The following SPINT2 variants were observed in gnomAD, a reference collection of about 807,000 sequenced individuals.
SPINT2 encodes the protein kunitz-type protease inhibitor 2.
SPINT2 carries 18 observed loss-of-function variants against 30.1 expected under a neutral mutation model. The ratio of observed to expected loss-of-function variants is 0.60; its 90% CI spans 0.41 to 0.89. The LOEUF (loss-of-function observed/expected upper bound fraction) is 0.89, where lower values mean the gene tolerates loss of function less well. Ranked by LOEUF, SPINT2 falls within the 40% of genes least tolerant of loss-of-function variation. The pLI is 0.00. For synonymous variants in SPINT2, 139 were observed against 137.9 expected (o/e 1.01, Z -0.05); for missense variants, 276 against 334.3 (o/e 0.83, Z 1.36).
At chr19:38,267,128 GCCTA>G (rs1169395046) in intron 1 of SPINT2, among the ~76,000 whole-genome samples, 3 of 152,212 alleles carry the variant, frequency 2.0e-5, no homozygotes, top group Non-Finnish European at 4.4e-5. Context: ...GTTCAGAGTG[GCCTA>G]CCTGACTGCT....
At chr19:38,278,928 G>T (rs745743624) in intron 1 of SPINT2, among the ~76,000 whole-genome samples, 33 of 152,254 alleles carry the variant, frequency 2.2e-4, no homozygotes, top group South Asian at 4.1e-4. Flanking sequence ...TAAAACAAAT[G>T]AGCAAACAAA....
intron 1 of SPINT2, among the ~76,000 whole-genome samples, chr19:38,267,005 G>A: frequency 6.6e-6 from 1 of 152,144 alleles, no homozygotes; most frequent in South Asian, 2.1e-4. Context: ...GAGCTGGGAT[G>A]TGCCATTTAA....
chr19:38,280,718 G>A (rs982332357), intron 1 of SPINT2, among the ~76,000 whole-genome samples: 4 of 147,738 alleles, frequency 2.7e-5, no homozygotes, highest in Non-Finnish European at 6.0e-5. Flanking sequence ...TTCCTGCCAT[G>A]ATACTGTGGG....
Position 38,290,604 on chromosome 19 carries a change from A to G in SPINT2, c.592+29A>G. 1.2e-6 allele frequency: 2 copies of G among 1,611,872 alleles called. No homozygotes were observed. The highest frequency in any genetic ancestry group is 1.7e-5 in the Admixed American group (1 of 59,772). On this transcript the variant is annotated intron_variant, in intron 6 of 6. Transcript: ENST00000301244. The surrounding 1 kb of genome is among the most constrained non-coding windows in gnomAD (Gnocchi z 4.3). ...AGTGGCCCCTTACCCTCCTCCTGCC[A>G]TCAGCCTGCCTCCTCCCTTCCTTGA...
chr19:38,281,263 A>G (rs1302966110), intron 1 of SPINT2, among the ~76,000 whole-genome samples: 1 of 152,006 alleles, frequency 6.6e-6, no homozygotes, highest in Non-Finnish European at 1.5e-5. Context: ...AGGTGCCCCT[A>G]TTTAAAAAAA....
intron 3 of SPINT2, 91 bp from the exon 4 acceptor site, chr19:38,289,047 A>G (rs1485285553): frequency 8.5e-7 from 1 of 1,174,034 alleles, no homozygotes. Context: ...GCGTGTCCAC[A>G]CTCCTCAGTG....
chr19:38,282,177 C>A (rs1968587878), intron 1 of SPINT2, among the ~76,000 whole-genome samples: 1 of 152,158 alleles, frequency 6.6e-6, no homozygotes, highest in Admixed American at 6.5e-5. Context: ...TGGTTTCATG[C>A]CCATCACTGT....
At chr19:38,287,790 G>T in intron 2 of SPINT2, 86 bp from the exon 3 acceptor site, 1 of 1,429,856 alleles carries the variant, frequency 7.0e-7, no homozygotes, top group Non-Finnish European at 9.9e-7. Flanking sequence ...ATGCTGTGGT[G>T]AGAGGCGCAC....
intron 1 of SPINT2, among the ~76,000 whole-genome samples, chr19:38,269,300 C>T (rs1464133785): frequency 6.6e-6 from 1 of 151,256 alleles, no homozygotes; most frequent in Non-Finnish European, 1.5e-5. Flanking sequence ...GGTCTCACCA[C>T]CGTGTTAGCC....
At chr19:38,283,524 TC>T in intron 1 of SPINT2, 102 bp from the exon 2 acceptor site, 1 of 1,472,374 alleles carries the variant, frequency 6.8e-7, no homozygotes, top group Non-Finnish European at 9.4e-7. Context: ...CTGCTGGAAC[TC>T]AAGGCTCTGG....
chr19:38,281,936 A>C (rs1275171834), intron 1 of SPINT2, among the ~76,000 whole-genome samples: 1 of 152,180 alleles, frequency 6.6e-6, no homozygotes, highest in Non-Finnish European at 1.5e-5. Flanking sequence ...CATACTGTAC[A>C]CTTTCATTCA....
At chr19:38,269,899 G>A (rs1010693927) in intron 1 of SPINT2, among the ~76,000 whole-genome samples, 26 of 152,122 alleles carry the variant, frequency 1.7e-4, no homozygotes, top group Admixed American at 4.6e-4. Flanking sequence ...GTGAGCCACC[G>A]CGCCCGGCCT....
At position 38,264,775 on chromosome 19, in the gene SPINT2, G is replaced by C; in HGVS notation, c.-118G>C. 9.1e-7 allele frequency: 1 copy of C among 1,104,728 alleles called. No individual in the cohort carries two copies. Among genetic ancestry groups the C allele is most frequent in the Non-Finnish European group, 1.3e-6 (1 of 770,664 alleles). 68.4% of individuals were successfully genotyped at this position (1,104,728 alleles called of 1,614,324 possible). A position where few individuals can be genotyped will look rare whatever the true frequency, so the allele number is the denominator to read the frequency against. ...TTGGCACCTGGCGGACCCTCCCGGA[G>C]CGTCGGCACCTGAACGCGAGGCGCT... is the stretch of plus-strand genomic sequence containing the variant. On this transcript the variant is annotated 5_prime_UTR_variant, in exon 1 of 7. Transcript: ENST00000301244.
chr19:38,265,033 C>T (rs770114893), intron 1 of SPINT2, 35 bp downstream of exon 1: 40 of 1,398,744 alleles, frequency 2.9e-5, no homozygotes, highest in Non-Finnish European at 3.6e-5. Context: ...AGGCGGGGCG[C>T]AGGGGGCAGA....
Position 38,290,595 on chromosome 19 carries a change from C to T in SPINT2, c.592+20C>T, listed in dbSNP as rs572380002. The stretch of plus-strand genomic sequence containing the variant: ...CAAAGGGTAAGTGGCCCCTTACCCT[C>T]CTCCTGCCATCAGCCTGCCTCCTCC... On this transcript the variant is annotated intron_variant, in intron 6 of 6. Transcript: ENST00000301244. The surrounding 1 kb of genome is among the most constrained non-coding windows in gnomAD (Gnocchi z 4.3). 4.3e-5 allele frequency: 70 copies of T among 1,612,914 alleles called. No individual in the cohort carries two copies. Among genetic ancestry groups the T allele is most frequent in the Non-Finnish European group, 5.3e-5 (63 of 1,179,600 alleles).
intron 4 of SPINT2, chr19:38,289,397 T>C: frequency 4.4e-6 from 2 of 457,054 alleles, no homozygotes; most frequent in Non-Finnish European, 8.2e-6. Context: ...GGCAGGAGAA[T>C]TGCTCAAAGC....
chr19:38,287,582 C>G (rs1300018810), intron 2 of SPINT2, among the ~76,000 whole-genome samples: 1 of 152,222 alleles, frequency 6.6e-6, no homozygotes, highest in Admixed American at 6.5e-5. Flanking sequence ...CTGCCTTGGC[C>G]TCCCAAAGTA....
chr19:38,267,570 G>A (rs1442376638), intron 1 of SPINT2, among the ~76,000 whole-genome samples: 3 of 152,030 alleles, frequency 2.0e-5, no homozygotes, highest in African/African-American at 7.2e-5. Context: ...GCAGTGGGTA[G>A]TGAGTGAGAT....
intron 2 of SPINT2, among the ~76,000 whole-genome samples, chr19:38,286,987 A>G (rs1409445226): frequency 6.6e-6 from 1 of 152,094 alleles, no homozygotes; most frequent in Non-Finnish European, 1.5e-5. Context: ...TTAAGCAATT[A>G]TTTGGCCCTG....
Sources: gnomAD v4.1 joint callset for allele counts (sites outside exome capture counted in the v4.1 genomes callset) on GRCh38, gnomAD v4.1.1 for gene constraint, Gnocchi (gnomAD v3.1) non-coding constraint, MANE v1.5 for transcripts, NCBI Gene and HGNC (gene_info 2026-07-23, HGNC 2026-07-21) for gene names.